Variants in IFIH1 observed in about 807,000 individuals in gnomAD.
IFIH1 encodes interferon-induced helicase C domain-containing protein 1.
In IFIH1, 125 loss-of-function variants were observed where a neutral mutation model predicts 107.4. That is an observed-to-expected ratio of 1.16 (90% CI 1.01 to 1.35). IFIH1 has a LOEUF of 1.35. Ranked by LOEUF, IFIH1 falls within the 40% of genes most tolerant of loss-of-function variation. The pLI is 0.00. For missense variants in IFIH1, 1,333 were observed against 1,213.7 expected, an observed-to-expected ratio of 1.10 and a Z score of -1.46; for synonymous variants, 458 against 413.2, an observed-to-expected ratio of 1.11 and a Z score of -1.31.
chr2:162,282,372 A>C lies in IFIH1; in HGVS notation c.1300T>G (p.Leu434Val). 6.2e-7 allele frequency: 1 copy of C among 1,606,152 alleles called. No homozygotes were observed. Residue 434 changes from leucine (L) to valine (V), a missense_variant, in exon 6 of 16, where the codon TTG becomes GTG. Transcript: ENST00000649979. ...AATAAACACTTAAACTGACCTGACAATTGAACACCAGCATCTTCTCCATTT... is the reference window on the plus strand; with the variant it reads ...AATAAACACTTAAACTGACCTGACACTTGAACACCAGCATCTTCTCCATTT... ...LENGEDAGVQ[L>V]SDFSLIIIDE...
intron 8 of IFIH1, among the ~76,000 whole-genome samples, chr2:162,279,088 A>G (rs976338675): frequency 2.0e-5 from 3 of 152,160 alleles, no homozygotes; most frequent in African/African-American, 7.2e-5. Context: ...TGTACCTGAG[A>G]AATTTAGTTT....
intron 13 of IFIH1, 147 bp from the exon 14 acceptor site, chr2:162,268,424 A>C (rs2105188145): frequency 1.8e-6 from 1 of 560,874 alleles, no homozygotes; most frequent in South Asian, 2.7e-5. Flanking sequence ...TGAGGTAATG[A>C]CCCCCCAAAG....
At chr2:162,313,859 T>A (rs1227677204) in intron 1 of IFIH1, among the ~76,000 whole-genome samples, 1 of 152,228 alleles carries the variant, frequency 6.6e-6, no homozygotes, top group Non-Finnish European at 1.5e-5. Flanking sequence ...TTTCCTAATT[T>A]GCCAGACAAT....
Position 162,294,182 on chromosome 2 carries a change from A to G in IFIH1, c.770-514T>C, listed in dbSNP as rs147507314. On this transcript the variant is annotated intron_variant, in intron 3 of 15. Coordinates refer to ENST00000649979, the MANE Select transcript of IFIH1 (RefSeq NM_022168.4). ...CTCAAAGAGAATTTGTTCAAAAAGAATATCACTAAAGCCTGGCATCACAGT... is the reference window on the plus strand; with the variant it reads ...CTCAAAGAGAATTTGTTCAAAAAGAGTATCACTAAAGCCTGGCATCACAGT... 7.2e-5 allele frequency among the ~76,000 whole-genome samples: 11 copies of G among 152,074 alleles called. No homozygotes were observed. In the East Asian group the frequency reaches 2.1e-3, roughly 30 times the overall value.
At chr2:162,317,282 A>G (rs1313631941) in intron 1 of IFIH1, among the ~76,000 whole-genome samples, 1 of 152,206 alleles carries the variant, frequency 6.6e-6, no homozygotes, top group Non-Finnish European at 1.5e-5. Flanking sequence ...TTAAAAATTG[A>G]AAAATCTGAA....
intron 10 of IFIH1, 59 bp downstream of exon 10, chr2:162,277,356 G>C (rs1277847264): frequency 8.3e-6 from 10 of 1,197,944 alleles, no homozygotes; most frequent in Non-Finnish European, 1.2e-5. Context: ...ATGAGAAGCA[G>C]TAAGTTCATG....
intron 3 of IFIH1, among the ~76,000 whole-genome samples, chr2:162,305,216 C>A (rs1683260534): frequency 1.3e-5 from 2 of 152,178 alleles, no homozygotes; most frequent in African/African-American, 4.8e-5. Flanking sequence ...TTGGTGACTT[C>A]TTTGTGTGTT....
chr2:162,279,067 C>A (rs76267308), intron 8 of IFIH1, among the ~76,000 whole-genome samples: 5,316 of 152,028 alleles, frequency 0.035, 458 homozygotes, highest in Admixed American at 0.21. Context: ...ATGGCAAATT[C>A]TTTTAAAAAA....
chr2:162,275,004 T>C (rs2105194903), intron 11 of IFIH1, among the ~76,000 whole-genome samples: 1 of 152,186 alleles, frequency 6.6e-6, no homozygotes, highest in African/African-American at 2.4e-5. Flanking sequence ...GGCCCTCACA[T>C]CTCCCGATAA....
In IFIH1 at chr2:162,273,931, TC is replaced by T. The variant is rs746375033; in HGVS notation, c.2317del (p.Glu773LysfsTer11). ...TCCAGTGCGAAATTTACTAATGACT[TC>T]TTTTTGTTCATTCTGTAGAAACATT... ...FKPMTQNEQKEVISKFRTGKI... is the reference protein window; with the variant it reads ...FKPMTQNEQKXVISKFRTGKI... On this transcript the variant is annotated frameshift_variant, in exon 12 of 16. Transcript: ENST00000649979. LOFTEE classifies it high-confidence loss of function. 6.2e-5 allele frequency: 99 copies of T among 1,598,960 alleles called. No individual in the cohort carries two copies. Among genetic ancestry groups the T allele is most frequent in the Non-Finnish European group, 7.6e-5 (89 of 1,168,668 alleles).
rs3051152 is a variant in IFIH1, at chr2:162,288,917, GCACACA to G, written c.875-568_875-563del. The stretch of plus-strand genomic sequence containing the variant: ...TTATCTGACAACCAAATACCAAAAA[GCACACA>G]CACACACACACACACACACACACAC... On this transcript the variant is annotated intron_variant, in intron 4 of 15. Transcript: ENST00000649979. Among the ~76,000 whole-genome samples the G allele has an allele frequency of 4.9e-3, 659 of 135,432 alleles. 7 individuals are homozygous for G. The highest frequency in any genetic ancestry group is 0.015 in the African/African-American group (564 of 37,888). The allele number at this position is 135,432 out of a possible 152,430, so 88.8% of individuals were successfully genotyped here. A position where few individuals can be genotyped will look rare whatever the true frequency, so the allele number is the denominator to read the frequency against.
At chr2:162,299,276 A>C (rs1481667411) in intron 3 of IFIH1, among the ~76,000 whole-genome samples, 1 of 152,176 alleles carries the variant, frequency 6.6e-6, no homozygotes, top group Non-Finnish European at 1.5e-5. Flanking sequence ...TGGGAAGTAA[A>C]TCTTGGCAAT....
At position 162,295,281 on chromosome 2, in the gene IFIH1, T is replaced by A. The variant is rs532626744; in HGVS notation, c.770-1613A>T. Among the ~76,000 whole-genome samples the A allele has an allele frequency of 5.9e-5, 9 of 152,186 alleles. No homozygotes were observed. In the South Asian group the frequency reaches 1.7e-3, roughly 28 times the overall value. On this transcript the variant is annotated intron_variant, in intron 3 of 15. Coordinates refer to ENST00000649979, the MANE Select transcript of IFIH1 (RefSeq NM_022168.4). Reference sequence around the variant, plus strand: ...TAGTTTTTCCTTTTCCAGGATGTCATATGAATGGATTCATGCAATATGTAG... The same window carrying A: ...TAGTTTTTCCTTTTCCAGGATGTCAAATGAATGGATTCATGCAATATGTAG...
At chr2:162,299,630 A>G (rs752802004) in intron 3 of IFIH1, among the ~76,000 whole-genome samples, 6 of 152,016 alleles carry the variant, frequency 3.9e-5, no homozygotes, top group South Asian at 2.1e-4. Context: ...ATATTCCTCT[A>G]CCTAAGGACT....
chr2:162,285,491 T>A (rs1360437710), intron 5 of IFIH1, among the ~76,000 whole-genome samples: 1 of 151,904 alleles, frequency 6.6e-6, no homozygotes, highest in South Asian at 2.1e-4. Context: ...CTGAAATTAA[T>A]TTAAAATTCA....
At chr2:162,278,159 G>A (rs368522441) in intron 9 of IFIH1, 46 bp downstream of exon 9, 20 of 1,526,908 alleles carry the variant, frequency 1.3e-5, no homozygotes, top group Non-Finnish European at 1.8e-5. Flanking sequence ...TAAAATCTTG[G>A]TATAAACATG....
At chr2:162,307,407 G>T (rs1422702156) in intron 2 of IFIH1, among the ~76,000 whole-genome samples, 1 of 152,150 alleles carries the variant, frequency 6.6e-6, no homozygotes, top group African/African-American at 2.4e-5. Flanking sequence ...TGTGTGTTCT[G>T]CACGAGACGT....
At chr2:162,315,024 G>C (rs1177468002) in intron 1 of IFIH1, among the ~76,000 whole-genome samples, 1 of 152,030 alleles carries the variant, frequency 6.6e-6, no homozygotes, top group Non-Finnish European at 1.5e-5. Flanking sequence ...CTGTAATTAC[G>C]GGCAGGGGCT....
intron 3 of IFIH1, among the ~76,000 whole-genome samples, chr2:162,294,786 T>C (rs946726832): frequency 2.6e-5 from 4 of 151,796 alleles, no homozygotes; most frequent in Non-Finnish European, 4.4e-5. Flanking sequence ...AGATAATATT[T>C]CATCCTAAAG....
Sources: gnomAD v4.1 joint callset for allele counts (sites outside exome capture counted in the v4.1 genomes callset) on GRCh38, gnomAD v4.1.1 for gene constraint, MANE v1.5 for transcripts, NCBI Gene and HGNC (gene_info 2026-07-23, HGNC 2026-07-21) for gene names.